NRCAM: variants seen among roughly 807,000 people sequenced by gnomAD.
NRCAM encodes NgCAM-related cell adhesion molecule.
NRCAM carries 83 observed loss-of-function variants against 156.5 expected under a neutral mutation model. That is an observed-to-expected ratio of 0.53 (90% CI 0.44 to 0.64). The LOEUF (loss-of-function observed/expected upper bound fraction) is 0.64. Among genes scored for constraint, NRCAM ranks in the 30% least tolerant of loss-of-function variants. The pLI is 0.00. For synonymous variants in NRCAM, 538 were observed against 563.9 expected, an observed-to-expected ratio of 0.95 and a Z score of 0.65; for missense variants, 1,417 against 1,597.3, an observed-to-expected ratio of 0.89 and a Z score of 1.92.
chr7:108,440,288 G>A (rs1221447766), intron 1 of NRCAM, among the ~76,000 whole-genome samples: 1 of 151,960 alleles, frequency 6.6e-6, no homozygotes. Flanking sequence ...GTCCAGAAAA[G>A]GCATATACCT....
chr7:108,396,603 G>C (rs911866457), intron 2 of NRCAM, among the ~76,000 whole-genome samples: 4 of 152,158 alleles, frequency 2.6e-5, no homozygotes, highest in Non-Finnish European at 5.9e-5. Context: ...CCAACACAAA[G>C]AAATCATAAA....
At chr7:108,401,705 G>A (rs1027118959) in intron 1 of NRCAM, among the ~76,000 whole-genome samples, 2 of 152,214 alleles carry the variant, frequency 1.3e-5, no homozygotes, top group Admixed American at 6.5e-5. Flanking sequence ...AGCCAAGAGA[G>A]ATGAGTCTTG....
intron 2 of NRCAM, among the ~76,000 whole-genome samples, chr7:108,320,159 T>C (rs1593220222): frequency 6.6e-6 from 1 of 152,132 alleles, no homozygotes; most frequent in East Asian, 1.9e-4. Flanking sequence ...TGATCAAACA[T>C]AGTCTCTTGG....
In NRCAM at chr7:108,189,627, G is replaced by C. The variant is rs747207453; in HGVS notation, c.2035+18C>G. ...GGCCATTTAGTTGATCGGAAATAGAGCAAATAATACCACATACTTGTAATG... is the reference window on the plus strand; with the variant it reads ...GGCCATTTAGTTGATCGGAAATAGACCAAATAATACCACATACTTGTAATG... On this transcript the variant is annotated intron_variant, in intron 20 of 32. Coordinates refer to ENST00000379028, the MANE Select transcript of NRCAM (RefSeq NM_001037132.4). 9.8e-7 allele frequency: 1 copy of C among 1,016,422 alleles called. No homozygotes were observed. The highest frequency in any genetic ancestry group is 1.6e-6 in the Non-Finnish European group (1 of 638,670). The allele number at this position is 1,016,422 out of a possible 1,614,324, so 63.0% of individuals were successfully genotyped here.
intron 2 of NRCAM, among the ~76,000 whole-genome samples, chr7:108,340,647 G>A (rs1183239637): frequency 6.6e-6 from 1 of 152,144 alleles, no homozygotes; most frequent in African/African-American, 2.4e-5. Context: ...GCAGACATTT[G>A]CTAACTTGCA....
intron 3 of NRCAM, among the ~76,000 whole-genome samples, chr7:108,294,090 G>C (rs756821359): frequency 2.7e-5 from 4 of 150,054 alleles, no homozygotes; most frequent in Non-Finnish European, 5.9e-5. Flanking sequence ...TCTTGGTTCT[G>C]AATCTTAAAA....
At chr7:108,255,231 G>A (rs2096575377) in intron 3 of NRCAM, among the ~76,000 whole-genome samples, 2 of 142,150 alleles carry the variant, frequency 1.4e-5, no homozygotes, top group Non-Finnish European at 3.0e-5. Flanking sequence ...AGGCTGGACT[G>A]TACTGCCGCC....
At chr7:108,430,023 G>A (rs1822899520) in intron 1 of NRCAM, among the ~76,000 whole-genome samples, 1 of 152,178 alleles carries the variant, frequency 6.6e-6, no homozygotes, top group African/African-American at 2.4e-5. Context: ...CAGTGCAAAG[G>A]CTGATGGCAG....
chr7:108,430,679 T>TAC (rs904327473), intron 1 of NRCAM, among the ~76,000 whole-genome samples: 4 of 152,226 alleles, frequency 2.6e-5, no homozygotes, highest in East Asian at 1.9e-4. Context: ...ATTAGCTATG[T>TAC]ACACACACAC....
At chr7:108,373,229 T>C (rs999086201) in intron 2 of NRCAM, among the ~76,000 whole-genome samples, 10 of 152,254 alleles carry the variant, frequency 6.6e-5, no homozygotes, top group Admixed American at 3.3e-4. Flanking sequence ...TCATTGGGCA[T>C]AAAGTTTTAA....
intron 3 of NRCAM, among the ~76,000 whole-genome samples, chr7:108,304,123 T>A (rs987461682): frequency 2.6e-5 from 4 of 152,186 alleles, no homozygotes; most frequent in African/African-American, 9.7e-5. Flanking sequence ...TTTAAACAGG[T>A]TTACTTGTTT....
At position 108,149,909 on chromosome 7, in the gene NRCAM, A is replaced by G. The variant is rs1378584916; in HGVS notation, c.*1T>C. 2.5e-6 allele frequency: 4 copies of G among 1,603,332 alleles called. No individual in the cohort carries two copies. The highest frequency in any genetic ancestry group is 3.4e-6 in the Non-Finnish European group (4 of 1,176,906). On this transcript the variant is annotated 3_prime_UTR_variant, in exon 33 of 33. Coordinates refer to ENST00000379028, the MANE Select transcript of NRCAM (RefSeq NM_001037132.4). ...TGGAATATTGGCAAAGAGCTTAAAA[A>G]TTAAACAAAGGAATTCATGGCGTTG...
intron 32 of NRCAM, among the ~76,000 whole-genome samples, chr7:108,155,015 T>A (rs757403687): frequency 1.4e-5 from 2 of 147,428 alleles, no homozygotes; most frequent in African/African-American, 2.6e-5. Context: ...AGTTGCCATG[T>A]CAAGTTTAAA....
chr7:108,183,712 T>C (rs1411835307), intron 22 of NRCAM, among the ~76,000 whole-genome samples: 1 of 151,974 alleles, frequency 6.6e-6, no homozygotes, highest in African/African-American at 2.4e-5. Context: ...AATTTTTGTA[T>C]TTTTAGTAGA....
At chr7:108,441,675 A>T (rs1166857447) in intron 1 of NRCAM, among the ~76,000 whole-genome samples, 1 of 152,212 alleles carries the variant, frequency 6.6e-6, no homozygotes, top group African/African-American at 2.4e-5. Context: ...TGTTATTTTA[A>T]TCAGCTAAAC....
chr7:108,283,679 T>G (rs747349999), intron 3 of NRCAM, among the ~76,000 whole-genome samples: 78 of 152,344 alleles, frequency 5.1e-4, no homozygotes, highest in Middle Eastern at 3.4e-3. Flanking sequence ...TTGGCTTTTC[T>G]GCAGTGTGTG....
intron 1 of NRCAM, among the ~76,000 whole-genome samples, chr7:108,407,195 A>T (rs971086223): frequency 6.6e-6 from 1 of 152,216 alleles, no homozygotes; most frequent in South Asian, 2.1e-4. Flanking sequence ...TCAACCTGCT[A>T]TTCTCACTTA....
intron 27 of NRCAM, among the ~76,000 whole-genome samples, chr7:108,176,197 C>A (rs1374137064): frequency 7.2e-5 from 11 of 152,122 alleles, no homozygotes; most frequent in Non-Finnish European, 1.6e-4. Flanking sequence ...TGCTTACTCA[C>A]TCCCACACTA....
intron 4 of NRCAM, among the ~76,000 whole-genome samples, 196 bp from the exon 5 acceptor site, chr7:108,237,965 A>C (rs577963177): frequency 1.3e-5 from 2 of 152,218 alleles, no homozygotes; most frequent in Non-Finnish European, 2.9e-5. Context: ...GGTTTCCTTT[A>C]ATCTTGCAGC....
Sources: allele counts gnomAD v4.1 joint callset (sites outside exome capture counted in the v4.1 genomes callset), GRCh38; gene constraint gnomAD v4.1.1; transcripts MANE v1.5; gene names NCBI Gene and HGNC (gene_info 2026-07-23, HGNC 2026-07-21).